Variants in GALNT17 observed in about 807,000 individuals in gnomAD.
GALNT17 encodes the protein UDP-GalNAc:polypeptide N-acetylgalactosaminyltransferase-like 3.
A neutral mutation model predicts 63.7 loss-of-function variants in GALNT17; 29 were observed. That is an observed-to-expected ratio of 0.46 (90% CI 0.34 to 0.62). GALNT17 has a LOEUF of 0.62. Among genes scored for constraint, GALNT17 ranks in the 20% least tolerant of loss-of-function variants. GALNT17 has a pLI of 0.01. For missense variants in GALNT17, 603 were observed against 799.6 expected, an observed-to-expected ratio of 0.75 and a Z score of 2.97; for synonymous variants, 305 against 318.3, an observed-to-expected ratio of 0.96 and a Z score of 0.45.
intron 1 of GALNT17, among the ~76,000 whole-genome samples, chr7:71,242,411 G>A (rs2116470599): frequency 6.6e-6 from 1 of 151,742 alleles, no homozygotes; most frequent in Admixed American, 6.6e-5. Context: ...TGGGACTACA[G>A]GCGCCTACCA....
chr7:71,287,994 G>A (rs1029650469), intron 1 of GALNT17, among the ~76,000 whole-genome samples: 1 of 148,072 alleles, frequency 6.8e-6, no homozygotes, highest in Non-Finnish European at 1.5e-5. Context: ...AGAGGTTGCA[G>A]TGAGCCGAGA....
chr7:71,417,233 C>G (rs73700936), intron 4 of GALNT17, among the ~76,000 whole-genome samples: 4,018 of 152,180 alleles, frequency 0.026, 80 homozygotes, highest in African/African-American at 0.063. Context: ...AATGTCTGTT[C>G]TTCTTCATTT....
intron 1 of GALNT17, among the ~76,000 whole-genome samples, chr7:71,257,123 C>T (rs1274648922): frequency 6.6e-6 from 1 of 152,150 alleles, no homozygotes; most frequent in African/African-American, 2.4e-5. Flanking sequence ...TTGTAACCTC[C>T]ATTGGTTTTA....
At chr7:71,578,089 T>C (rs1562698242) in intron 6 of GALNT17, among the ~76,000 whole-genome samples, 1 of 151,962 alleles carries the variant, frequency 6.6e-6, no homozygotes, top group Non-Finnish European at 1.5e-5. Flanking sequence ...CAGGCTGGAG[T>C]GCAGTGGCGC....
chr7:71,205,897 T>C (rs1789262817), intron 1 of GALNT17, among the ~76,000 whole-genome samples: 1 of 152,050 alleles, frequency 6.6e-6, no homozygotes, highest in African/African-American at 2.4e-5. Context: ...CAATTTGCTA[T>C]GATAGATTAT....
At chr7:71,496,573 G>A (rs979973301) in intron 5 of GALNT17, among the ~76,000 whole-genome samples, 9 of 152,036 alleles carry the variant, frequency 5.9e-5, no homozygotes, top group Non-Finnish European at 8.8e-5. Flanking sequence ...CTCCTTCCCC[G>A]AAGCCCAACC....
intron 9 of GALNT17, among the ~76,000 whole-genome samples, chr7:71,708,171 G>C (rs1368898924): frequency 6.6e-6 from 1 of 152,150 alleles, no homozygotes; most frequent in Admixed American, 6.5e-5. Flanking sequence ...TTCTGATAGA[G>C]TGTATTAGTC....
chr7:71,705,410 G>A (rs1791708783), intron 9 of GALNT17, among the ~76,000 whole-genome samples: 1 of 152,134 alleles, frequency 6.6e-6, no homozygotes, highest in Non-Finnish European at 1.5e-5. Context: ...GTTCATTGCT[G>A]GTGGGAGTGT....
intron 1 of GALNT17, among the ~76,000 whole-genome samples, chr7:71,224,261 T>G (rs1583775875): frequency 6.6e-6 from 1 of 152,162 alleles, no homozygotes; most frequent in South Asian, 2.1e-4. Context: ...GCCAGGCTGG[T>G]CTCAAACCTC....
rs1008810396 is a variant in GALNT17, at chr7:71,519,334, A to C, written c.963-51951A>C. On this transcript the variant is annotated intron_variant, in intron 5 of 10. Transcript: ENST00000333538. ...ATTCATTTATTGAACACTTATTTCT[A>C]TCTAACTGTAATCTCTCTTCAGTCC... is the stretch of plus-strand genomic sequence containing the variant. Among the ~76,000 whole-genome samples, 32 of 152,172 alleles carry C rather than the reference A, an allele frequency of 2.1e-4. 1 individual carries two copies. The highest frequency in any genetic ancestry group is 1.5e-5 in the Non-Finnish European group (1 of 68,032).
At chr7:71,150,412 A>G (rs73361711) in intron 1 of GALNT17, among the ~76,000 whole-genome samples, 3,004 of 152,202 alleles carry the variant, frequency 0.02, 65 homozygotes, top group African/African-American at 0.057. Context: ...GTTCAGGGCA[A>G]TGAGAGGTAG....
At chr7:71,197,638 A>G (rs1562905895) in intron 1 of GALNT17, among the ~76,000 whole-genome samples, 1 of 151,840 alleles carries the variant, frequency 6.6e-6, no homozygotes, top group African/African-American at 2.4e-5. Context: ...TTTGCTCTCT[A>G]TCTCCATGAG....
intron 9 of GALNT17, among the ~76,000 whole-genome samples, chr7:71,700,113 G>A (rs1301205722): frequency 3.3e-5 from 5 of 151,684 alleles, no homozygotes; most frequent in East Asian, 3.9e-4. Flanking sequence ...CCAACATAGC[G>A]AAAGCCCATG....
chr7:71,176,882 G>T (rs918424442), intron 1 of GALNT17, among the ~76,000 whole-genome samples: 1 of 152,178 alleles, frequency 6.6e-6, no homozygotes, highest in Admixed American at 6.5e-5. Flanking sequence ...CTTACGGTAT[G>T]CTGGAACCTA....
intron 5 of GALNT17, among the ~76,000 whole-genome samples, chr7:71,564,672 C>T (rs985219782): frequency 3.9e-5 from 6 of 152,160 alleles, no homozygotes; most frequent in Non-Finnish European, 8.8e-5. Context: ...TACCTCCTGC[C>T]CATTCATCTG....
intron 6 of GALNT17, among the ~76,000 whole-genome samples, chr7:71,635,441 A>G (rs1207300739): frequency 6.6e-6 from 1 of 152,200 alleles, no homozygotes; most frequent in African/African-American, 2.4e-5. Flanking sequence ...AAATTTTAAA[A>G]TAGCCGTGGC....
At chr7:71,445,564 G>A (rs1787147422) in intron 5 of GALNT17, among the ~76,000 whole-genome samples, 1 of 152,140 alleles carries the variant, frequency 6.6e-6, no homozygotes, top group Admixed American at 6.5e-5. Context: ...GCTGGGGTCT[G>A]TCAGGAGCTG....
chr7:71,384,472 C>T (rs1336777241), intron 2 of GALNT17, among the ~76,000 whole-genome samples: 2 of 152,176 alleles, frequency 1.3e-5, no homozygotes, highest in Non-Finnish European at 2.9e-5. Flanking sequence ...CTCAAACTAC[C>T]TTTTCCATCA....
At chr7:71,160,388 C>T (rs1393242180) in intron 1 of GALNT17, among the ~76,000 whole-genome samples, 1 of 152,168 alleles carries the variant, frequency 6.6e-6, no homozygotes, top group African/African-American at 2.4e-5. Flanking sequence ...TGCCATAAGT[C>T]ACATTCTCAT....
Sources: allele counts gnomAD v4.1 joint callset (sites outside exome capture counted in the v4.1 genomes callset), GRCh38; gene constraint gnomAD v4.1.1; transcripts MANE v1.5; gene names NCBI Gene and HGNC (gene_info 2026-07-23, HGNC 2026-07-21).